The following IGSF3 variants were observed in gnomAD, a reference collection of about 807,000 sequenced individuals.
IGSF3 encodes the protein immunoglobulin superfamily member 3, also known as glu-Trp-Ile EWI motif-containing protein 3.
Under a neutral mutation model 114.4 loss-of-function variants are expected in IGSF3, and 23 were observed. That is an observed-to-expected ratio of 0.20 (90% confidence interval 0.14 to 0.28). The LOEUF (loss-of-function observed/expected upper bound fraction) is 0.28, where lower values mean the gene tolerates loss of function less well. Ranked by LOEUF, IGSF3 falls within the 10% of genes least tolerant of loss-of-function variation. IGSF3 has a pLI of 1.00. For missense variants in IGSF3, 1,172 were observed against 1,591.5 expected, an observed-to-expected ratio of 0.74 and a Z score of 4.48; for synonymous variants, 571 against 645.2, an observed-to-expected ratio of 0.88 and a Z score of 1.74.
chr1:116,579,555 C>A lies in IGSF3; in HGVS notation c.3171G>T (p.Arg1057Ser). The change falls in exon 10 of 11, where the codon AGG becomes AGT. Residue 1057 changes from arginine (R) to serine (S), a missense_variant. Physicochemically the swap from Arg to Ser is moderately radical, Grantham distance 110 (BLOSUM62 -1). Coordinates refer to ENST00000369486, the MANE Select transcript of IGSF3 (RefSeq NM_001007237.3). This position sits in a 1 kb window ranked among gnomAD's most constrained non-coding sequence, Gnocchi z 6.4. ...SPWEGRLRFQ[R>S]LSPVLYRLTV... ...TGAGCCGGTAGAGCACCGGGGAGAGCCTCTGGAAGCGAAGCCTGCCCTCCC... is the reference window on the plus strand; with the variant it reads ...TGAGCCGGTAGAGCACCGGGGAGAGACTCTGGAAGCGAAGCCTGCCCTCCC... 6.2e-7 allele frequency: 1 copy of A among 1,614,170 alleles called. No homozygotes were observed. The highest frequency in any genetic ancestry group is 8.5e-7 in the Non-Finnish European group (1 of 1,180,034).
intron 2 of IGSF3, among the ~76,000 whole-genome samples, chr1:116,658,248 C>G (rs983770524): frequency 7.2e-5 from 11 of 152,164 alleles, no homozygotes; most frequent in African/African-American, 2.7e-4. Flanking sequence ...CCATGTTGGT[C>G]AGGCTGGTCT....
chr1:116,667,395 A>G (rs1649380556), intron 1 of IGSF3, among the ~76,000 whole-genome samples: 1 of 152,122 alleles, frequency 6.6e-6, no homozygotes, highest in Non-Finnish European at 1.5e-5. Context: ...GATTGGAAAG[A>G]AAAGAAACCG....
chr1:116,620,568 C>A (rs1433413668), intron 2 of IGSF3, among the ~76,000 whole-genome samples: 2 of 152,080 alleles, frequency 1.3e-5, no homozygotes, highest in African/African-American at 2.4e-5. Context: ...ACTTCCAGGG[C>A]TAGGTCATAA....
At position 116,603,320 on chromosome 1, in the gene IGSF3, A is replaced by T. The variant is rs1321481715; in HGVS notation, c.1624+304T>A. ...TGGCTGGGTGGCTTCACTAACCTGG[A>T]TAGAGTTCTGATAACATCACTCTCT... On this transcript the variant is annotated intron_variant, in intron 6 of 10. Coordinates refer to ENST00000369486, the MANE Select transcript of IGSF3 (RefSeq NM_001007237.3). The surrounding 1 kb of genome is among the most constrained non-coding windows in gnomAD (Gnocchi z 7.1). Among the ~76,000 whole-genome samples the T allele has an allele frequency of 6.6e-6, 1 of 152,124 alleles. No homozygotes were observed. Among genetic ancestry groups the T allele is most frequent in the African/African-American group, 2.4e-5 (1 of 41,422 alleles).
At chr1:116,590,760 G>T (rs1263901265) in intron 7 of IGSF3, among the ~76,000 whole-genome samples, 1 of 151,882 alleles carries the variant, frequency 6.6e-6, no homozygotes, top group Non-Finnish European at 1.5e-5. Context: ...AGGGTTGATT[G>T]AGTCCCATGC....
intron 1 of IGSF3, among the ~76,000 whole-genome samples, chr1:116,667,379 C>T (rs1190689625): frequency 6.6e-6 from 1 of 152,126 alleles, no homozygotes; most frequent in Non-Finnish European, 1.5e-5. Flanking sequence ...GTGTTTATAT[C>T]TCGCTGATTG....
chr1:116,647,357 C>T lies in IGSF3; in HGVS notation c.43+18927G>A, dbSNP rs1254875210. 5.3e-5 allele frequency among the ~76,000 whole-genome samples: 8 copies of T among 152,198 alleles called. No homozygotes were observed. Among genetic ancestry groups the T allele is most frequent in the Admixed American group, 5.2e-4 (8 of 15,280 alleles). ...GGAGGTGACAATGGGGTCCAAAGGTCGTGCCTTTATGGCTCGCAACTATGT... is the reference window on the plus strand; with the variant it reads ...GGAGGTGACAATGGGGTCCAAAGGTTGTGCCTTTATGGCTCGCAACTATGT... On this transcript the variant is annotated intron_variant, in intron 2 of 10. Coordinates refer to ENST00000369486, the MANE Select transcript of IGSF3 (RefSeq NM_001007237.3). The surrounding 1 kb of genome is among the most constrained non-coding windows in gnomAD (Gnocchi z 4.6).
chr1:116,616,353 G>C lies in IGSF3; in HGVS notation c.148C>G (p.Pro50Ala). ...GACCACTGGAAATTCTGCTCAGAAGGTCCCTGGTAGCCACTCACATTGCAC... is the reference window on the plus strand; with the variant it reads ...GACCACTGGAAATTCTGCTCAGAAGCTCCCTGGTAGCCACTCACATTGCAC... ...IWCNVSGYQG[P>A]SEQNFQWSIY... is the part of the protein sequence containing the mutation. The change falls in exon 3 of 11, where the codon CCT becomes GCT. Residue 50 changes from proline to alanine, a missense_variant. Physicochemically the swap from Pro to Ala is conservative, Grantham distance 27. Transcript: ENST00000369486. The surrounding 1 kb of genome is among the most constrained non-coding windows in gnomAD (Gnocchi z 6.6). 1.9e-6 allele frequency: 3 copies of C among 1,612,152 alleles called. No homozygotes were observed. In the South Asian group the frequency reaches 3.3e-5, roughly 18 times the overall value.
At position 116,589,923 on chromosome 1, in the gene IGSF3, G is replaced by A. The variant is rs1329089382; in HGVS notation, c.2030-819C>T. On this transcript the variant is annotated intron_variant, in intron 7 of 10. Transcript: ENST00000369486. The surrounding 1 kb of genome is among the most constrained non-coding windows in gnomAD (Gnocchi z 5.7). ...GGACTGCCTAGCGGACATTCTTATC[G>A]CTGCACCCCCAGAGCCTAGCACAGC... Among the ~76,000 whole-genome samples the A allele has an allele frequency of 7.2e-5, 11 of 152,264 alleles. No individual in the cohort carries two copies. Among genetic ancestry groups the A allele is most frequent in the Admixed American group, 2.6e-4 (4 of 15,296 alleles).
intron 2 of IGSF3, among the ~76,000 whole-genome samples, chr1:116,621,648 G>C (rs4112478): frequency 0.13 from 20,418 of 152,090 alleles, 1,758 homozygotes; most frequent in African/African-American, 0.25. Flanking sequence ...GACACCTGCA[G>C]TCCCTAAGAT....
chr1:116,596,431 T>A lies in IGSF3; in HGVS notation c.2029+3510A>T, dbSNP rs929966680. ...ACAGCGCTGGTTCGGAGCTCTGGTATCCGCAAGTCTTAGAGCCACCTTGTG... is the reference window on the plus strand; with the variant it reads ...ACAGCGCTGGTTCGGAGCTCTGGTAACCGCAAGTCTTAGAGCCACCTTGTG... On this transcript the variant is annotated intron_variant, in intron 7 of 10. Coordinates refer to ENST00000369486, the MANE Select transcript of IGSF3 (RefSeq NM_001007237.3). The surrounding 1 kb of genome is among the most constrained non-coding windows in gnomAD (Gnocchi z 4.1). 1.3e-5 allele frequency among the ~76,000 whole-genome samples: 2 copies of A among 152,136 alleles called. No homozygotes were observed. Among genetic ancestry groups the A allele is most frequent in the African/African-American group, 4.8e-5 (2 of 41,412 alleles).
At chr1:116,601,211 T>G (rs919647693) in intron 6 of IGSF3, among the ~76,000 whole-genome samples, 9 of 152,196 alleles carry the variant, frequency 5.9e-5, no homozygotes, top group African/African-American at 2.2e-4. Flanking sequence ...CCTGCAGATG[T>G]AGAAACTGAT....
rs762316624 is a variant in IGSF3, at chr1:116,583,435, C to T, written c.2848+1210G>A. ...CCCTGCAGTTTAGGCAAGACACAGG[C>T]GAGTGAGATACTGCCCATTTCCTAT... On this transcript the variant is annotated intron_variant, in intron 9 of 10. Transcript: ENST00000369486. This position sits in a 1 kb window ranked among gnomAD's most constrained non-coding sequence, Gnocchi z 4.5. Among the ~76,000 whole-genome samples the T allele has an allele frequency of 6.6e-6, 1 of 152,220 alleles. No homozygotes were observed. Among genetic ancestry groups the T allele is most frequent in the Admixed American group, 6.5e-5 (1 of 15,276 alleles).
intron 2 of IGSF3, among the ~76,000 whole-genome samples, chr1:116,653,119 T>C (rs1020647902): frequency 3.9e-5 from 6 of 152,188 alleles, no homozygotes; most frequent in African/African-American, 1.4e-4. Context: ...GGCAGGATGA[T>C]CATGGGCTAG....
rs1372674575 is a variant in IGSF3 at position 116,585,317 on chromosome 1, G to A, written c.2441-265C>T. 1.3e-5 allele frequency among the ~76,000 whole-genome samples: 2 copies of A among 152,158 alleles called. No individual in the cohort carries two copies. Among genetic ancestry groups the A allele is most frequent in the African/African-American group, 2.4e-5 (1 of 41,428 alleles). On this transcript the variant is annotated intron_variant, in intron 8 of 10. Coordinates refer to ENST00000369486, the MANE Select transcript of IGSF3 (RefSeq NM_001007237.3). The surrounding 1 kb of genome is among the most constrained non-coding windows in gnomAD (Gnocchi z 4.9). ...CCCTCATCAGTTCTGATGCTCACAG[G>A]AGGACAAGCACAAGCTGTAGAGACT...
In IGSF3 at chr1:116,661,975, G is replaced by A. The variant is rs1318131966; in HGVS notation, c.43+4309C>T. Among the ~76,000 whole-genome samples, 1 of 152,084 alleles carries A rather than the reference G, an allele frequency of 6.6e-6. No individual in the cohort carries two copies. The highest frequency in any genetic ancestry group is 1.5e-5 in the Non-Finnish European group (1 of 68,018). On this transcript the variant is annotated intron_variant, in intron 2 of 10. Coordinates refer to ENST00000369486, the MANE Select transcript of IGSF3 (RefSeq NM_001007237.3). This position sits in a 1 kb window ranked among gnomAD's most constrained non-coding sequence, Gnocchi z 4.0. ...GGCTGCGGCTAGAAGAGTCATCTTG[G>A]ACCATGAAGTCATCTTGGGAATAGA...
Position 116,588,827 on chromosome 1 carries a change from G to T in IGSF3, c.2307C>A (p.Val769=). 6.2e-7 allele frequency: 1 copy of T among 1,614,202 alleles called. No individual in the cohort carries two copies. Among genetic ancestry groups the T allele is most frequent in the Middle Eastern group, 1.7e-4 (1 of 6,054 alleles). ...CGCTGTCGCTGACCTCGGCTCTCTG[G>T]ACGGTGAGGCTGAACAGGCCCCCCG... ...HVSGGLFSLT[V]QRAEVSDSGS... The change falls in exon 8 of 11, where the codon GTC becomes GTA. Residue 769 remains valine, a synonymous_variant. Coordinates refer to ENST00000369486, the MANE Select transcript of IGSF3 (RefSeq NM_001007237.3). This position sits in a 1 kb window ranked among gnomAD's most constrained non-coding sequence, Gnocchi z 4.9.
At chr1:116,663,959 A>T (rs1981182) in intron 2 of IGSF3, among the ~76,000 whole-genome samples, 33,993 of 152,178 alleles carry the variant, frequency 0.22, 4,099 homozygotes, top group East Asian at 0.43. Context: ...CACATTATGC[A>T]GCAAGAATGC....
At position 116,644,534 on chromosome 1, in the gene IGSF3, G is replaced by C. The variant is rs1049800734; in HGVS notation, c.43+21750C>G. On this transcript the variant is annotated intron_variant, in intron 2 of 10. Transcript: ENST00000369486. The surrounding 1 kb of genome is among the most constrained non-coding windows in gnomAD (Gnocchi z 5.6). ...CTGGCCAGGAGCCAGCATAGTAGGT[G>C]CCGTGAAAGCCAGGAAGCGAACTGC... Among the ~76,000 whole-genome samples, 1 of 152,224 alleles carries C rather than the reference G, an allele frequency of 6.6e-6. No individual in the cohort carries two copies. Among genetic ancestry groups the C allele is most frequent in the African/African-American group, 2.4e-5 (1 of 41,454 alleles).
Sources: gnomAD v4.1 joint callset for allele counts (sites outside exome capture counted in the v4.1 genomes callset) on GRCh38, gnomAD v4.1.1 for gene constraint, Gnocchi (gnomAD v3.1) non-coding constraint, MANE v1.5 for transcripts, NCBI Gene and HGNC (gene_info 2026-07-23, HGNC 2026-07-21) for gene names.